MIPOL1: variants seen among roughly 807,000 people sequenced by gnomAD.
MIPOL1 encodes mirror-image polydactyly 1.
In MIPOL1, 57 loss-of-function variants were observed where a neutral mutation model predicts 60.9. The observed-to-expected ratio is 0.94, with a 90% CI of 0.76 to 1.17. MIPOL1 has a LOEUF of 1.17. Ranked by LOEUF, MIPOL1 falls within the 50% of genes most tolerant of loss-of-function variation. The probability of loss-of-function intolerance (pLI) is 0.00; values close to 1 mark genes in which losing one functional copy is unlikely to be tolerated. For missense variants in MIPOL1, 551 were observed against 511.6 expected (o/e 1.08, Z -0.74); for synonymous variants, 179 against 168.8 (o/e 1.06, Z -0.47).
chr14:37,272,134 T>C (rs1402507005), intron 6 of MIPOL1, among the ~76,000 whole-genome samples: 1 of 151,544 alleles, frequency 6.6e-6, no homozygotes, highest in East Asian at 1.9e-4. Context: ...TTAAAAGATG[T>C]TTAATAAAAT....
chr14:37,541,321 C>G (rs986460361), intron 12 of MIPOL1, among the ~76,000 whole-genome samples: 3 of 152,142 alleles, frequency 2.0e-5, no homozygotes. Flanking sequence ...TTTCTTCTCC[C>G]CTCAGTCTGG....
intron 10 of MIPOL1, among the ~76,000 whole-genome samples, chr14:37,405,041 A>G (rs908292072): frequency 4.6e-5 from 7 of 152,202 alleles, no homozygotes; most frequent in Non-Finnish European, 7.4e-5. Context: ...TGTATGAAGC[A>G]TTGAATGGCA....
intron 11 of MIPOL1, among the ~76,000 whole-genome samples, chr14:37,452,351 GA>G (rs1417947628): frequency 6.6e-6 from 1 of 152,166 alleles, no homozygotes; most frequent in Non-Finnish European, 1.5e-5. Flanking sequence ...AACAACAAAT[GA>G]AAACTTGATT....
At chr14:37,491,183 TAATCA>T (rs1288978057) in intron 11 of MIPOL1, among the ~76,000 whole-genome samples, 1 of 152,214 alleles carries the variant, frequency 6.6e-6, no homozygotes, top group Non-Finnish European at 1.5e-5. Flanking sequence ...TACTCTTAGA[TAATCA>T]GGAGCTGGCC....
chr14:37,417,351 G>A (rs2093788689), intron 10 of MIPOL1, among the ~76,000 whole-genome samples: 1 of 152,112 alleles, frequency 6.6e-6, no homozygotes, highest in Non-Finnish European at 1.5e-5. Flanking sequence ...ACTCGACAGT[G>A]TATATATGAC....
chr14:37,290,872 C>T (rs190656364), intron 7 of MIPOL1, among the ~76,000 whole-genome samples: 48 of 152,202 alleles, frequency 3.2e-4, no homozygotes, highest in Admixed American at 5.2e-4. Flanking sequence ...CCATGCCCCA[C>T]GCTCCAGTAG....
chr14:37,262,863 C>G (rs56185940), intron 3 of MIPOL1, among the ~76,000 whole-genome samples: 11,642 of 152,116 alleles, frequency 0.077, 1,518 homozygotes, highest in African/African-American at 0.27. Flanking sequence ...ATTGACCCCC[C>G]CAGGGGACCA....
intron 9 of MIPOL1, among the ~76,000 whole-genome samples, chr14:37,363,739 G>A (rs1182090718): frequency 6.6e-6 from 1 of 152,208 alleles, no homozygotes; most frequent in Non-Finnish European, 1.5e-5. Context: ...TGCCCACAGA[G>A]GTGGAGTGTA....
chr14:37,423,991 T>C lies in MIPOL1; in HGVS notation c.1031+1042T>C, dbSNP rs1595714559. 2.0e-5 allele frequency among the ~76,000 whole-genome samples: 3 copies of C among 152,300 alleles called. No homozygotes were observed. The East Asian group carries it at 5.8e-4, about 29-fold the overall frequency. On this transcript the variant is annotated intron_variant, in intron 11 of 12. Transcript: ENST00000684589. ...GACATGAAAATACCAGTGATTTCTA[T>C]GGGTGCAAACTCTCAAGAACCACTG...
At chr14:37,337,723 G>C (rs1049621864) in intron 9 of MIPOL1, among the ~76,000 whole-genome samples, 1 of 151,812 alleles carries the variant, frequency 6.6e-6, no homozygotes, top group African/African-American at 2.4e-5. Flanking sequence ...TTTTAAAATT[G>C]TGTTATTTTT....
chr14:37,209,287 AT>A (rs1353825076), intron 1 of MIPOL1, among the ~76,000 whole-genome samples: 2 of 152,178 alleles, frequency 1.3e-5, no homozygotes, highest in African/African-American at 4.8e-5. Flanking sequence ...CAGTTGGAGC[AT>A]TTGGCAATTG....
chr14:37,470,425 C>T (rs1359883309), intron 11 of MIPOL1, among the ~76,000 whole-genome samples: 1 of 151,606 alleles, frequency 6.6e-6, no homozygotes, highest in East Asian at 1.9e-4. Flanking sequence ...GGATTTCCCC[C>T]TTGCTGTTCT....
At position 37,534,837 on chromosome 14, in the gene MIPOL1, T is replaced by C. The variant is rs142754888; in HGVS notation, c.1263-12068T>C. Among the ~76,000 whole-genome samples, 484 of 152,262 alleles carry C rather than the reference T, an allele frequency of 3.2e-3. 2 individuals are homozygous for C. The highest frequency in any genetic ancestry group is 0.01 in the African/African-American group (433 of 41,566). On this transcript the variant is annotated intron_variant, in intron 12 of 12. Transcript: ENST00000684589. ...TAGTGCTGCCATGTTCCAACTGGAA[T>C]CCAGGGGACAATCTAGATATCTAAC...
intron 7 of MIPOL1, among the ~76,000 whole-genome samples, chr14:37,295,804 C>G (rs2085603622): frequency 6.6e-6 from 1 of 152,146 alleles, no homozygotes; most frequent in Non-Finnish European, 1.5e-5. Flanking sequence ...ATTCATAAAG[C>G]AAGTCCTTAG....
At chr14:37,364,864 G>A (rs1398897479) in intron 9 of MIPOL1, among the ~76,000 whole-genome samples, 2 of 152,244 alleles carry the variant, frequency 1.3e-5, no homozygotes, top group East Asian at 3.9e-4. Context: ...AACAAGGACT[G>A]TCTTTTCATT....
rs190260924 is a variant in MIPOL1, at chr14:37,472,937, T to C, written c.1032-26971T>C. On this transcript the variant is annotated intron_variant, in intron 11 of 12. Transcript: ENST00000684589. Reference sequence around the variant, plus strand: ...GAGGTGCTTCAATGTATCCCTATTATAAATTGTAACAGGCATAACTGAATT... The same window carrying C: ...GAGGTGCTTCAATGTATCCCTATTACAAATTGTAACAGGCATAACTGAATT... Among the ~76,000 whole-genome samples, 204 of 152,280 alleles carry C rather than the reference T, an allele frequency of 1.3e-3. 2 individuals carry two copies. Among genetic ancestry groups the C allele is most frequent in the African/African-American group, 4.7e-3 (195 of 41,564 alleles).
chr14:37,215,549 A>G (rs1159343105), intron 1 of MIPOL1, among the ~76,000 whole-genome samples: 1 of 152,196 alleles, frequency 6.6e-6, no homozygotes, highest in Non-Finnish European at 1.5e-5. Context: ...CTTTCACTAG[A>G]GGAAGACAGG....
intron 11 of MIPOL1, among the ~76,000 whole-genome samples, chr14:37,470,452 C>A (rs1020563281): frequency 6.6e-6 from 1 of 152,038 alleles, no homozygotes; most frequent in Non-Finnish European, 1.5e-5. Flanking sequence ...AGTGAGTTCT[C>A]ATGACACCTG....
intron 3 of MIPOL1, among the ~76,000 whole-genome samples, chr14:37,261,256 A>G (rs563963880): frequency 1.2e-3 from 181 of 151,978 alleles, no homozygotes; most frequent in Non-Finnish European, 2.3e-3. Context: ...TTAACAGAAT[A>G]AGATTATTTG....
Sources: allele counts gnomAD v4.1 joint callset (sites outside exome capture counted in the v4.1 genomes callset), GRCh38; gene constraint gnomAD v4.1.1; transcripts MANE v1.5; gene names NCBI Gene and HGNC (gene_info 2026-07-23, HGNC 2026-07-21).